LIMCH1: variants seen among roughly 807,000 people sequenced by gnomAD.
LIMCH1 encodes LIM and calponin homology domains-containing protein 1.
LIMCH1 carries 113 observed loss-of-function variants against 176.5 expected under a neutral mutation model. The observed-to-expected ratio is 0.64, with a 90% CI of 0.55 to 0.75. The LOEUF is 0.75. LIMCH1 is among the 30% of genes least tolerant of loss of function. LIMCH1 has a pLI of 0.00. For missense variants in LIMCH1, 1,674 were observed against 1,814.9 expected (o/e 0.92, Z 1.41); for synonymous variants, 619 against 645.9 (o/e 0.96, Z 0.63).
chr4:41,513,928 C>T (rs116249120), intron 2 of LIMCH1, among the ~76,000 whole-genome samples: 332 of 128,190 alleles, frequency 2.6e-3, no homozygotes, highest in African/African-American at 8.9e-3. Flanking sequence ...ATCGCTTGTA[C>T]TTGGGAGGTG....
At chr4:41,530,782 C>T (rs567617823) in intron 3 of LIMCH1, among the ~76,000 whole-genome samples, 10 of 110,578 alleles carry the variant, frequency 9.0e-5, no homozygotes, top group Non-Finnish European at 1.2e-4. Context: ...GCTACAAGAG[C>T]GAAACCCCGC....
Position 41,682,345 on chromosome 4 carries a change from C to G in LIMCH1, c.3730C>G (p.Leu1244Val), listed in dbSNP as rs1352639642. 1.2e-6 allele frequency: 2 copies of G among 1,610,340 alleles called. No individual in the cohort carries two copies. The highest frequency in any genetic ancestry group is 1.7e-6 in the Non-Finnish European group (2 of 1,177,220). Residue 1244 changes from leucine (L) to valine (V), a missense_variant, in exon 26 of 32, where the codon CTG (leucine) becomes GTG (valine). Physicochemically the swap from Leu to Val is conservative, Grantham distance 32. Coordinates refer to ENST00000503057, the MANE Select transcript of LIMCH1 (RefSeq NM_001330672.2). ...TTTTTCTCCTTAGAATAAGATAGAC[C>G]TGGGAAACTGTCAAGATGAAAAACA... ...EGSGTMNKID[L>V]GNCQDEKQDR...
intron 3 of LIMCH1, among the ~76,000 whole-genome samples, chr4:41,525,535 G>A (rs983369421): frequency 1.4e-4 from 21 of 152,020 alleles, no homozygotes; most frequent in Admixed American, 5.2e-4. Flanking sequence ...TGAAATAGAT[G>A]TTTTCTTTAA....
At chr4:41,650,277 A>G (rs2094235778) in intron 17 of LIMCH1, 116 bp from the exon 18 acceptor site, 2 of 735,118 alleles carry the variant, frequency 2.7e-6, no homozygotes, top group Non-Finnish European at 4.6e-6. Context: ...CTCTTCCTTC[A>G]TTGGACTCTG....
chr4:41,591,637 T>A (rs993610631), intron 1 of LIMCH1, among the ~76,000 whole-genome samples: 3 of 151,694 alleles, frequency 2.0e-5, no homozygotes, highest in African/African-American at 7.3e-5. Context: ...TTTAATATTT[T>A]CCACCTAGTC....
At chr4:41,389,972 C>A (rs2057013740) in intron 1 of LIMCH1, among the ~76,000 whole-genome samples, 1 of 152,208 alleles carries the variant, frequency 6.6e-6, no homozygotes, top group Admixed American at 6.5e-5. Context: ...TCTTCTCCTA[C>A]TTAAAGCTAG....
chr4:41,557,584 T>A (rs1453755907), intron 1 of LIMCH1, among the ~76,000 whole-genome samples: 1 of 125,182 alleles, frequency 8.0e-6, no homozygotes. Flanking sequence ...GTAATTAGAA[T>A]GATGAGGAGA....
chr4:41,597,235 G>A (rs930055898), intron 1 of LIMCH1, among the ~76,000 whole-genome samples: 1 of 152,060 alleles, frequency 6.6e-6, no homozygotes, highest in Non-Finnish European at 1.5e-5. Context: ...CACCTCCATC[G>A]TTTGGGGGCT....
intron 1 of LIMCH1, among the ~76,000 whole-genome samples, chr4:41,564,115 C>G (rs1056943798): frequency 1.3e-5 from 2 of 152,168 alleles, no homozygotes; most frequent in Non-Finnish European, 2.9e-5. Context: ...CAAAGCTCTC[C>G]TTATGTACTT....
chr4:41,665,314 C>T (rs2094785054), intron 20 of LIMCH1, among the ~76,000 whole-genome samples: 1 of 152,136 alleles, frequency 6.6e-6, no homozygotes, highest in African/African-American at 2.4e-5. Context: ...TTTTTGCCAG[C>T]CTCCACTACA....
At chr4:41,680,390 G>C (rs915545321) in intron 24 of LIMCH1, among the ~76,000 whole-genome samples, 5 of 152,184 alleles carry the variant, frequency 3.3e-5, no homozygotes, top group Non-Finnish European at 7.3e-5. Context: ...TTAGAGAGGT[G>C]ACATGAAATA....
intron 1 of LIMCH1, among the ~76,000 whole-genome samples, chr4:41,452,454 T>C (rs568551219): frequency 6.6e-6 from 1 of 152,254 alleles, no homozygotes; most frequent in South Asian, 2.1e-4. Context: ...AAAGTGATTA[T>C]GCCAACTTAT....
At chr4:41,569,410 A>C (rs982199987) in intron 1 of LIMCH1, among the ~76,000 whole-genome samples, 4 of 152,174 alleles carry the variant, frequency 2.6e-5, no homozygotes, top group African/African-American at 9.7e-5. Flanking sequence ...AGTTGGAGGA[A>C]GAGGCTTGGC....
At chr4:41,690,399 A>G (rs1431104407) in intron 30 of LIMCH1, among the ~76,000 whole-genome samples, 1 of 152,184 alleles carries the variant, frequency 6.6e-6, no homozygotes, top group Non-Finnish European at 1.5e-5. Context: ...GGTAATAAGT[A>G]GGTGAGTTAA....
intron 1 of LIMCH1, among the ~76,000 whole-genome samples, chr4:41,570,794 G>A (rs1034254556): frequency 1.3e-5 from 2 of 152,114 alleles, no homozygotes; most frequent in African/African-American, 4.8e-5. Context: ...GGTGTGACTT[G>A]GAGAAACTGT....
rs1250977474 is a variant in LIMCH1 at position 41,412,613 on chromosome 4, A to C, written c.96+51677A>C. Reference sequence around the variant, plus strand: ...GGAAAGTCAGTGCATTGGAAAAGAGAGAAGGTTTTTTGCATTATATTCTAA... The same window carrying C: ...GGAAAGTCAGTGCATTGGAAAAGAGCGAAGGTTTTTTGCATTATATTCTAA... On this transcript the variant is annotated intron_variant, in intron 1 of 26. Coordinates refer to the LIMCH1 transcript ENST00000313860. Among the ~76,000 whole-genome samples the C allele has an allele frequency of 2.0e-5, 3 of 152,178 alleles. No individual in the cohort carries two copies. The East Asian group carries it at 5.8e-4, about 29-fold the overall frequency.
intron 6 of LIMCH1, chr4:41,619,681 C>T (rs2092413504): frequency 3.6e-6 from 2 of 552,154 alleles, no homozygotes; most frequent in African/African-American, 1.9e-5. Flanking sequence ...TCTAAATAAG[C>T]AGATTTCTGA....
At chr4:41,373,123 G>A (rs895070354) in intron 1 of LIMCH1, among the ~76,000 whole-genome samples, 5 of 152,202 alleles carry the variant, frequency 3.3e-5, no homozygotes, top group African/African-American at 1.2e-4. Flanking sequence ...AGAGCAAGTT[G>A]GTCTGGAACA....
At chr4:41,532,021 A>T (rs2077380098) in intron 3 of LIMCH1, among the ~76,000 whole-genome samples, 2 of 152,192 alleles carry the variant, frequency 1.3e-5, no homozygotes, top group Non-Finnish European at 2.9e-5. Context: ...CTGGCACAGT[A>T]TGAGAAACCT....
Sources: gnomAD v4.1 joint callset for allele counts (sites outside exome capture counted in the v4.1 genomes callset) on GRCh38, gnomAD v4.1.1 for gene constraint, MANE v1.5 for transcripts, NCBI Gene and HGNC (gene_info 2026-07-23, HGNC 2026-07-21) for gene names.